The following MYO5B variants were observed in gnomAD, a reference collection of about 807,000 sequenced individuals.
MYO5B encodes the protein unconventional myosin-Vb.
MYO5B carries 143 observed loss-of-function variants against 229.3 expected under a neutral mutation model. The ratio of observed to expected loss-of-function variants is 0.62; its 90% CI spans 0.54 to 0.72. The LOEUF (loss-of-function observed/expected upper bound fraction) is 0.72, where lower values mean the gene tolerates loss of function less well. Ranked by LOEUF, MYO5B falls within the 30% of genes least tolerant of loss-of-function variation. The pLI is 0.00. For synonymous variants in MYO5B, 918 were observed against 885.2 expected, an observed-to-expected ratio of 1.04 and a Z score of -0.66; for missense variants, 2,321 against 2,331.0, an observed-to-expected ratio of 1.00 and a Z score of 0.09.
At chr18:50,143,028 TTC>T (rs1286320976) in intron 1 of MYO5B, among the ~76,000 whole-genome samples, 1 of 152,238 alleles carries the variant, frequency 6.6e-6, no homozygotes, top group East Asian at 1.9e-4. Context: ...TCACACAGAC[TTC>T]TGTCCAGCCA....
rs753613582 is a variant in MYO5B, at chr18:49,895,148, C to A, written c.2838G>T (p.Glu946Asp). The A allele has an allele frequency of 6.2e-7, 1 of 1,614,038 alleles. No individual in the cohort carries two copies. The change falls in exon 22 of 40, where the codon GAG (glutamate) becomes GAT (aspartate). Residue 946 changes from glutamate to aspartate, a missense_variant. By Grantham distance (45) the Glu-to-Asp change is conservative. Coordinates refer to ENST00000285039, the MANE Select transcript of MYO5B (RefSeq NM_001080467.3). ...EQNKEFKTLS[E>D]QLSVTTSTYT... ...ATGTTGAGGTGGTCACGGACAACTG[C>A]TCTGAAAGTGTCTTGAACTCTTTGT...
At chr18:50,188,146 G>A (rs1049926167) in intron 1 of MYO5B, among the ~76,000 whole-genome samples, 2 of 152,160 alleles carry the variant, frequency 1.3e-5, no homozygotes, top group African/African-American at 4.8e-5. Flanking sequence ...GTTAAAAATA[G>A]TGCTATAATT....
intron 1 of MYO5B, among the ~76,000 whole-genome samples, chr18:50,178,749 TG>T (rs746544261): frequency 6.6e-6 from 1 of 152,216 alleles, no homozygotes; most frequent in Non-Finnish European, 1.5e-5. Context: ...TGGTTCACAT[TG>T]CAATGTGAGT....
At chr18:50,145,119 C>T (rs2032478771) in intron 1 of MYO5B, among the ~76,000 whole-genome samples, 1 of 152,092 alleles carries the variant, frequency 6.6e-6, no homozygotes, top group African/African-American at 2.4e-5. Context: ...GTTGAGGCTA[C>T]CACTCCCACC....
At chr18:50,036,575 G>A (rs986105566) in intron 4 of MYO5B, among the ~76,000 whole-genome samples, 2 of 152,198 alleles carry the variant, frequency 1.3e-5, no homozygotes, top group Non-Finnish European at 2.9e-5. Context: ...AAGTCAAAGA[G>A]AGATGAAATG....
chr18:49,835,376 G>A lies in MYO5B; in HGVS notation c.5362C>T (p.Arg1788Trp). ...GTTCGTATAAAGGCCACTGTTACCC[G>A]TTCTTCAAATTCATTCAGGGGAGTA... ...LYTPLNEFEE[R>W]VTVAFIRTIQ... Residue 1788 changes from arginine to tryptophan, a missense_variant, in exon 39 of 40, where the codon CGG becomes TGG. Physicochemically the swap from Arg to Trp is moderately radical, Grantham distance 101. This residue lies in a region of MYO5B where 208 missense variants were observed against 286.3 expected (regional missense o/e 0.73). Coordinates refer to ENST00000285039, the MANE Select transcript of MYO5B (RefSeq NM_001080467.3). The A allele has an allele frequency of 1.9e-6, 3 of 1,612,122 alleles. No individual in the cohort carries two copies. Among genetic ancestry groups the A allele is most frequent in the Non-Finnish European group, 2.5e-6 (3 of 1,179,558 alleles).
intron 2 of MYO5B, among the ~76,000 whole-genome samples, chr18:50,047,326 A>C (rs575554425): frequency 1.6e-3 from 250 of 152,364 alleles, no homozygotes; most frequent in African/African-American, 5.6e-3. Context: ...GCAACCAAAA[A>C]ACACATGAAA....
At chr18:50,089,437 A>G (rs2031399449) in intron 1 of MYO5B, among the ~76,000 whole-genome samples, 1 of 152,044 alleles carries the variant, frequency 6.6e-6, no homozygotes, top group Non-Finnish European at 1.5e-5. Context: ...ACAAAAAGCA[A>G]ACCAAAGATT....
intron 1 of MYO5B, among the ~76,000 whole-genome samples, chr18:50,086,596 A>G (rs1161111841): frequency 6.6e-6 from 1 of 152,190 alleles, no homozygotes; most frequent in East Asian, 1.9e-4. Flanking sequence ...TGTACCATAC[A>G]CTGTGCAGGC....
chr18:49,976,588 A>T (rs1342753931), intron 9 of MYO5B, among the ~76,000 whole-genome samples: 1 of 152,214 alleles, frequency 6.6e-6, no homozygotes, highest in African/African-American at 2.4e-5. Flanking sequence ...TTATGTTCTT[A>T]AGAAATTGCA....
intron 8 of MYO5B, 41 bp from the exon 9 acceptor site, chr18:49,980,594 G>A (rs2025803742): frequency 7.0e-7 from 1 of 1,421,028 alleles, no homozygotes; most frequent in Non-Finnish European, 1.0e-6. Flanking sequence ...AGTATCCATG[G>A]TCGGACAGAA....
intron 4 of MYO5B, among the ~76,000 whole-genome samples, chr18:50,017,365 T>A (rs1455043480): frequency 2.6e-5 from 4 of 152,162 alleles, no homozygotes; most frequent in Non-Finnish European, 5.9e-5. Flanking sequence ...ACTCAAATGA[T>A]CCACCCGCCT....
intron 2 of MYO5B, among the ~76,000 whole-genome samples, chr18:50,047,925 G>T (rs1485297253): frequency 9.5e-5 from 12 of 126,936 alleles, no homozygotes; most frequent in Middle Eastern, 4.5e-3. Flanking sequence ...AACATCACAC[G>T]CCGGGGACTG....
intron 1 of MYO5B, among the ~76,000 whole-genome samples, chr18:50,107,545 C>T (rs981909788): frequency 2.0e-5 from 3 of 152,146 alleles, no homozygotes; most frequent in African/African-American, 7.2e-5. Flanking sequence ...ATTACCATCC[C>T]CTCAATTTAC....
intron 18 of MYO5B, among the ~76,000 whole-genome samples, chr18:49,907,870 G>A (rs1379556661): frequency 6.6e-6 from 1 of 152,228 alleles, no homozygotes; most frequent in South Asian, 2.1e-4. Flanking sequence ...CCCTGTGTCT[G>A]CTCAGAGCCA....
intron 17 of MYO5B, among the ~76,000 whole-genome samples, chr18:49,912,530 T>G (rs1333760803): frequency 6.6e-6 from 1 of 152,190 alleles, no homozygotes; most frequent in Non-Finnish European, 1.5e-5. Flanking sequence ...AGGTACCCAG[T>G]GGGAGATAAC....
At chr18:50,034,786 A>G (rs2026430457) in intron 4 of MYO5B, among the ~76,000 whole-genome samples, 1 of 151,976 alleles carries the variant, frequency 6.6e-6, no homozygotes, top group Admixed American at 6.6e-5. Flanking sequence ...AAAAACAAAA[A>G]AGCTCTCCCC....
At chr18:50,021,227 C>T (rs1240011745) in intron 4 of MYO5B, among the ~76,000 whole-genome samples, 1 of 152,228 alleles carries the variant, frequency 6.6e-6, no homozygotes, top group Non-Finnish European at 1.5e-5. Context: ...CTGTGAAAAC[C>T]TCCCACTGGA....
At chr18:49,997,418 C>T (rs2026002144) in intron 5 of MYO5B, among the ~76,000 whole-genome samples, 1 of 131,870 alleles carries the variant, frequency 7.6e-6, no homozygotes, top group African/African-American at 3.1e-5. Context: ...CCTCTTGTTG[C>T]CCAGGCTGGA....
Sources: gnomAD v4.1 joint callset for allele counts (sites outside exome capture counted in the v4.1 genomes callset) on GRCh38, gnomAD v4.1.1 for gene constraint, gnomAD v4.1.1 regional missense constraint, MANE v1.5 for transcripts, NCBI Gene and HGNC (gene_info 2026-07-23, HGNC 2026-07-21) for gene names.